C12orf50: variants seen among roughly 807,000 people sequenced by gnomAD.
C12orf50 encodes zinc finger CCCH-type containing 11D.
Under a neutral mutation model 61.6 loss-of-function variants are expected in C12orf50, and 35 were observed. That is an observed-to-expected ratio of 0.57 (90% CI 0.43 to 0.75). The LOEUF is 0.75. Among genes scored for constraint, C12orf50 ranks in the 30% least tolerant of loss-of-function variants. C12orf50 has a pLI of 0.00. For missense variants in C12orf50, 475 were observed against 488.5 expected, an observed-to-expected ratio of 0.97 and a Z score of 0.26; for synonymous variants, 178 against 161.5, an observed-to-expected ratio of 1.10 and a Z score of -0.77.
intron 3 of C12orf50, among the ~76,000 whole-genome samples, chr12:88,021,343 A>T (rs1048164471): frequency 1.4e-4 from 22 of 152,158 alleles, no homozygotes; most frequent in African/African-American, 5.3e-4. Context: ...ACAATTAGAA[A>T]TGACAAAGGG....
At chr12:88,015,256 T>C (rs1445727099) in intron 3 of C12orf50, among the ~76,000 whole-genome samples, 10 of 152,204 alleles carry the variant, frequency 6.6e-5, no homozygotes, top group Non-Finnish European at 4.4e-5. Flanking sequence ...CTGACTGAAA[T>C]ATTCAAGTCA....
chr12:87,995,755 C>A (rs1276293824), intron 6 of C12orf50, among the ~76,000 whole-genome samples: 3 of 152,090 alleles, frequency 2.0e-5, no homozygotes, highest in Non-Finnish European at 4.4e-5. Flanking sequence ...CCAAGGTTTG[C>A]GGGCTCTTCT....
chr12:88,029,180 T>C, intron 1 of C12orf50, 160 bp downstream of exon 1: 398 of 766,292 alleles, frequency 5.2e-4, no homozygotes, highest in Non-Finnish European at 6.9e-4. Flanking sequence ...TATATGAATT[T>C]CAGGAATGCA....
intron 3 of C12orf50, among the ~76,000 whole-genome samples, chr12:88,001,005 T>C (rs2136440752): frequency 6.6e-6 from 1 of 151,994 alleles, no homozygotes; most frequent in East Asian, 1.9e-4. Flanking sequence ...AGAAGCCTTT[T>C]AGCTGATGAT....
At chr12:88,026,665 T>C (rs1317120510) in intron 2 of C12orf50, 57 bp from the exon 3 acceptor site, 2 of 1,579,560 alleles carry the variant, frequency 1.3e-6, no homozygotes, top group African/African-American at 2.7e-5. Flanking sequence ...TTACAACAAA[T>C]ACAATGTGCT....
rs2031498335 is a variant in C12orf50 at position 87,998,169 on chromosome 12, A to G, written c.155T>C (p.Ile52Thr). 6 of 1,612,132 alleles carry G rather than the reference A, an allele frequency of 3.7e-6. No individual in the cohort carries two copies. The highest frequency in any genetic ancestry group is 4.2e-6 in the Non-Finnish European group (5 of 1,178,890). ...PSSNITLQKEIQEGIPLQSQS... is the reference protein window; with the variant it reads ...PSSNITLQKETQEGIPLQSQS... Reference sequence around the variant, plus strand: ...GGACTGGAGTGGAATTCCTTCCTGAATTTCTTTCTGTAGTGTGATATCTGC... The same window carrying G: ...GGACTGGAGTGGAATTCCTTCCTGAGTTTCTTTCTGTAGTGTGATATCTGC... Residue 52 changes from isoleucine (I) to threonine (T), a missense_variant, in exon 4 of 13, where the codon ATT becomes ACT. Coordinates refer to ENST00000298699, the MANE Select transcript of C12orf50 (RefSeq NM_152589.3).
At chr12:88,016,223 C>T (rs2136478164) in intron 3 of C12orf50, among the ~76,000 whole-genome samples, 1 of 152,264 alleles carries the variant, frequency 6.6e-6, no homozygotes, top group Middle Eastern at 3.4e-3. Context: ...GTACAATGCT[C>T]TGTATGAACC....
At chr12:88,008,685 A>G (rs990395029) in intron 3 of C12orf50, among the ~76,000 whole-genome samples, 1 of 152,164 alleles carries the variant, frequency 6.6e-6, no homozygotes, top group Non-Finnish European at 1.5e-5. Flanking sequence ...TATAAAATAT[A>G]TATTGTAACA....
chr12:88,009,638 G>T (rs374632320), intron 3 of C12orf50, among the ~76,000 whole-genome samples: 1 of 151,998 alleles, frequency 6.6e-6, no homozygotes, highest in Non-Finnish European at 1.5e-5. Context: ...CATAAGATAG[G>T]TTCCAACAAC....
intron 3 of C12orf50, among the ~76,000 whole-genome samples, chr12:88,010,587 T>C (rs1342649501): frequency 6.6e-6 from 1 of 151,390 alleles, no homozygotes; most frequent in Non-Finnish European, 1.5e-5. Context: ...CCAATATTGA[T>C]AAAATGTTGA....
At chr12:87,998,502 C>A (rs2031516049) in intron 3 of C12orf50, among the ~76,000 whole-genome samples, 1 of 151,726 alleles carries the variant, frequency 6.6e-6, no homozygotes, top group African/African-American at 2.4e-5. Context: ...TATCTTATTT[C>A]AATAAAATAA....
chr12:87,988,746 A>T (rs2030969942), intron 8 of C12orf50, among the ~76,000 whole-genome samples: 1 of 152,160 alleles, frequency 6.6e-6, no homozygotes, highest in African/African-American at 2.4e-5. Flanking sequence ...ATTACAGGAC[A>T]GCTGTACTTT....
chr12:87,995,686 T>G (rs1025813605), intron 6 of C12orf50, among the ~76,000 whole-genome samples: 41 of 145,592 alleles, frequency 2.8e-4, no homozygotes, highest in African/African-American at 9.0e-4. Context: ...TTTTGTTTCC[T>G]TTTGTTTTTT....
chr12:87,990,519 T>TA, intron 7 of C12orf50, among the ~76,000 whole-genome samples: 1 of 152,082 alleles, frequency 6.6e-6, no homozygotes, highest in East Asian at 1.9e-4. Flanking sequence ...AAAACAACTA[T>TA]AAAATACCAA....
upstream of C12orf50, among the ~76,000 whole-genome samples, chr12:88,029,738 T>A (rs2032829781): frequency 6.6e-6 from 1 of 152,166 alleles, no homozygotes; most frequent in Non-Finnish European, 1.5e-5. Flanking sequence ...GTAAATGAGC[T>A]ACTCATATTC....
chr12:87,983,079 T>G, intron 12 of C12orf50, 24 bp downstream of exon 12: 5 of 1,396,268 alleles, frequency 3.6e-6, no homozygotes, highest in Non-Finnish European at 5.0e-6. Flanking sequence ...GCATGATACA[T>G]TAAAACCACT....
chr12:87,996,730 T>C (rs370613113), intron 4 of C12orf50, 84 bp from the exon 5 acceptor site: 29 of 964,742 alleles, frequency 3.0e-5, no homozygotes, highest in East Asian at 2.2e-4. Flanking sequence ...AAACCCCAAA[T>C]ACTGTTCTCA....
chr12:87,983,095 A>G lies in C12orf50; in HGVS notation c.1219+8T>C, dbSNP rs1177217895. 3 of 1,514,866 alleles carry G rather than the reference A, an allele frequency of 2.0e-6. No individual in the cohort carries two copies. In the East Asian group the frequency reaches 6.8e-5, roughly 34 times the overall value. The allele number at this position is 1,514,866 out of a possible 1,614,324, so 93.8% of individuals were successfully genotyped here. A position where few individuals can be genotyped will look rare whatever the true frequency, so the allele number is the denominator to read the frequency against. On this transcript the variant is annotated splice_region_variant and intron_variant, in intron 12 of 12. Coordinates refer to ENST00000298699, the MANE Select transcript of C12orf50 (RefSeq NM_152589.3). ...CATGATACATTAAAACCACTTATAAATAGTTACCTGGATATATCTTTTCAC... is the reference window on the plus strand; with the variant it reads ...CATGATACATTAAAACCACTTATAAGTAGTTACCTGGATATATCTTTTCAC...
At chr12:87,980,458 G>T in intron 12 of C12orf50, 102 bp from the exon 13 acceptor site, 3 of 983,510 alleles carry the variant, frequency 3.1e-6, no homozygotes, top group Admixed American at 2.1e-5. Context: ...TAAAGGCAAA[G>T]AAAAACTAAT....
Sources: gnomAD v4.1 joint callset for allele counts (sites outside exome capture counted in the v4.1 genomes callset) on GRCh38, gnomAD v4.1.1 for gene constraint, MANE v1.5 for transcripts, NCBI Gene and HGNC (gene_info 2026-07-23, HGNC 2026-07-21) for gene names.